The following PTPN3 variants were observed in gnomAD, a reference collection of about 807,000 sequenced individuals.
PTPN3 encodes the protein tyrosine-protein phosphatase non-receptor type 3.
PTPN3 carries 96 observed loss-of-function variants against 132.7 expected under a neutral mutation model. The observed-to-expected ratio is 0.72, with a 90% CI of 0.61 to 0.86. The LOEUF (loss-of-function observed/expected upper bound fraction) is 0.86, where lower values mean the gene tolerates loss of function less well. Ranked by LOEUF, PTPN3 falls within the 40% of genes least tolerant of loss-of-function variation. The pLI is 0.00. For missense variants in PTPN3, 1,125 were observed against 1,159.6 expected (o/e 0.97, Z 0.43); for synonymous variants, 398 against 429.0 (o/e 0.93, Z 0.89).
At chr9:109,470,562 G>T (rs1588479999) in intron 1 of PTPN3, among the ~76,000 whole-genome samples, 1 of 152,020 alleles carries the variant, frequency 6.6e-6, no homozygotes, top group East Asian at 1.9e-4. Context: ...TGCATGTGGT[G>T]GCACCTGTCT....
chr9:109,379,316 G>T lies in PTPN3; in HGVS notation c.*240C>A. 5.9e-6 allele frequency: 3 copies of T among 512,140 alleles called. No individual in the cohort carries two copies. The highest frequency in any genetic ancestry group is 1.0e-5 in the Non-Finnish European group (3 of 286,788). The allele number at this position is 512,140 out of a possible 1,614,324, so 31.7% of individuals were successfully genotyped here. On this transcript the variant is annotated 3_prime_UTR_variant, in exon 26 of 26. Coordinates refer to ENST00000374541, the MANE Select transcript of PTPN3 (RefSeq NM_002829.4). Reference sequence around the variant, plus strand: ...GGCATTAGGACAGGCCCCAAACTGAGATCCTTTTTGTATCTTTCCATAGAA... The same window carrying T: ...GGCATTAGGACAGGCCCCAAACTGATATCCTTTTTGTATCTTTCCATAGAA...
At chr9:109,490,454 C>T (rs945153207) in intron 1 of PTPN3, among the ~76,000 whole-genome samples, 3 of 152,250 alleles carry the variant, frequency 2.0e-5, no homozygotes, top group Admixed American at 2.0e-4. Context: ...ACGTCAAGGT[C>T]TGGCTGGGCA....
In PTPN3 at chr9:109,376,687, C is replaced by T. The variant is rs1046659440; in HGVS notation, c.*2869G>A. The T allele has an allele frequency of 1.3e-4, 20 of 152,162 alleles. No individual in the cohort carries two copies. The highest frequency in any genetic ancestry group is 4.8e-4 in the African/African-American group (20 of 41,436). 9.4% of individuals were successfully genotyped at this position (152,162 alleles called of 1,614,324 possible). ...GCAGCCAAATTTCCCAGGCAAAATACTTATCCTGATTCTGATGTAGTTCTT... is the reference window on the plus strand; with the variant it reads ...GCAGCCAAATTTCCCAGGCAAAATATTTATCCTGATTCTGATGTAGTTCTT... On this transcript the variant is annotated 3_prime_UTR_variant, in exon 26 of 26. Coordinates refer to ENST00000374541, the MANE Select transcript of PTPN3 (RefSeq NM_002829.4).
chr9:109,408,436 A>ACAAC, intron 16 of PTPN3, 59 bp from the exon 17 acceptor site: 1 of 1,400,912 alleles, frequency 7.1e-7, no homozygotes, highest in Non-Finnish European at 9.9e-7. Flanking sequence ...AAACAAACAA[A>ACAAC]CAAAAAAACG....
chr9:109,397,013 A>G (rs1186000776), intron 19 of PTPN3, among the ~76,000 whole-genome samples: 2 of 152,166 alleles, frequency 1.3e-5, no homozygotes, highest in Non-Finnish European at 2.9e-5. Context: ...TATGAACAGA[A>G]AAAGGGGAAT....
At chr9:109,415,548 T>C (rs1366480083) in intron 14 of PTPN3, among the ~76,000 whole-genome samples, 2 of 152,152 alleles carry the variant, frequency 1.3e-5, no homozygotes, top group African/African-American at 4.8e-5. Context: ...AATGATAAAT[T>C]TGCTATTCTT....
chr9:109,466,169 A>T (rs1021794618), intron 1 of PTPN3, among the ~76,000 whole-genome samples: 2 of 152,208 alleles, frequency 1.3e-5, no homozygotes, highest in African/African-American at 2.4e-5. Context: ...CTCCAAACCT[A>T]GGTCTGGTAG....
Position 109,489,054 on chromosome 9 carries a change from C to G in PTPN3, c.-18+9165G>C, listed in dbSNP as rs563103781. 2.6e-5 allele frequency among the ~76,000 whole-genome samples: 4 copies of G among 152,318 alleles called. No homozygotes were observed. The South Asian group carries it at 8.3e-4, about 32-fold the overall frequency. On this transcript the variant is annotated intron_variant, in intron 1 of 25. Coordinates refer to ENST00000374541, the MANE Select transcript of PTPN3 (RefSeq NM_002829.4). ...AGCACTAGAGGAAAGAAGATAAGGT[C>G]TAGGGTGACTCCCGCCTCCTGCCCT...
chr9:109,413,518 A>G (rs540222634), intron 14 of PTPN3, among the ~76,000 whole-genome samples: 82 of 152,366 alleles, frequency 5.4e-4, no homozygotes, highest in African/African-American at 1.9e-3. Context: ...GTCGCTGGGC[A>G]GAATGCAGTG....
intron 2 of PTPN3, 98 bp downstream of exon 2, chr9:109,463,199 T>C: frequency 8.0e-7 from 1 of 1,253,568 alleles, no homozygotes; most frequent in Non-Finnish European, 1.1e-6. Flanking sequence ...GCTTTCATTT[T>C]AAAATATTTT....
At chr9:109,400,426 G>A (rs1301958599) in intron 19 of PTPN3, among the ~76,000 whole-genome samples, 1 of 152,232 alleles carries the variant, frequency 6.6e-6, no homozygotes, top group Non-Finnish European at 1.5e-5. Flanking sequence ...AGGCCACAGA[G>A]GTTAGGGGAC....
chr9:109,422,492 T>C (rs987019806), intron 13 of PTPN3, among the ~76,000 whole-genome samples: 2 of 152,202 alleles, frequency 1.3e-5, no homozygotes, highest in African/African-American at 4.8e-5. Flanking sequence ...TCCCAAACTA[T>C]TTAGATTGAA....
chr9:109,416,002 C>T (rs913801844), intron 14 of PTPN3, among the ~76,000 whole-genome samples: 5 of 152,126 alleles, frequency 3.3e-5, no homozygotes, highest in East Asian at 1.9e-4. Context: ...TGGTGTCCTC[C>T]GAGGGGGACA....
intron 4 of PTPN3, among the ~76,000 whole-genome samples, chr9:109,454,990 T>C (rs536285130): frequency 1.3e-5 from 2 of 152,342 alleles, no homozygotes; most frequent in South Asian, 2.1e-4. Flanking sequence ...AACACCACCA[T>C]GACTATGAGT....
rs189603258 is a variant in PTPN3 at position 109,453,929 on chromosome 9, C to A, written c.368+567G>T. ...ACTCGGGAGGCTGAGGTGGGAGGAT[C>A]GCTTGAACCTGGGAGGCGGAGGTTG... On this transcript the variant is annotated intron_variant, in intron 5 of 25. Transcript: ENST00000374541. Among the ~76,000 whole-genome samples, 18 of 151,808 alleles carry A rather than the reference C, an allele frequency of 1.2e-4. No individual in the cohort carries two copies. In the South Asian group the frequency reaches 3.5e-3, roughly 30 times the overall value.
At chr9:109,457,014 G>T (rs1387570372) in intron 4 of PTPN3, 159 bp downstream of exon 4, 2 of 705,180 alleles carry the variant, frequency 2.8e-6, no homozygotes, top group Non-Finnish European at 4.8e-6. Flanking sequence ...CATCTCTGCT[G>T]ACTCAGAAGT....
chr9:109,464,143 T>C (rs1845982732), intron 1 of PTPN3, among the ~76,000 whole-genome samples: 1 of 152,098 alleles, frequency 6.6e-6, no homozygotes, highest in South Asian at 2.1e-4. Context: ...ACGGAGGGTG[T>C]GGAGCAACCA....
the PTPN3 span, among the ~76,000 whole-genome samples, chr9:109,529,911 T>TTTA: frequency 6.6e-6 from 1 of 152,000 alleles, no homozygotes; most frequent in Non-Finnish European, 1.5e-5. Flanking sequence ...TCTTTTCTTA[T>TTTA]TTATTTATTT....
chr9:109,483,143 C>T (rs993981044), intron 1 of PTPN3, among the ~76,000 whole-genome samples: 1 of 152,240 alleles, frequency 6.6e-6, no homozygotes, highest in Admixed American at 6.5e-5. Flanking sequence ...AACTGCCATT[C>T]CCCCATGGAG....
Sources: allele counts gnomAD v4.1 joint callset (sites outside exome capture counted in the v4.1 genomes callset), GRCh38; gene constraint gnomAD v4.1.1; transcripts MANE v1.5; gene names NCBI Gene and HGNC (gene_info 2026-07-23, HGNC 2026-07-21).